Variants in UTRN observed in about 807,000 individuals in gnomAD.
UTRN encodes the protein dystrophin-related protein 1.
UTRN carries 283 observed loss-of-function variants against 463.9 expected under a neutral mutation model. The observed-to-expected ratio is 0.61, with a 90% CI of 0.55 to 0.67. The LOEUF (loss-of-function observed/expected upper bound fraction) is 0.67. Among genes scored for constraint, UTRN ranks in the 30% least tolerant of loss-of-function variants. The pLI, the probability that UTRN is intolerant of heterozygous loss-of-function variation, is 0.00. For synonymous variants in UTRN, 1,442 were observed against 1,431.5 expected, an observed-to-expected ratio of 1.01 and a Z score of -0.17; for missense variants, 3,922 against 4,084.3, an observed-to-expected ratio of 0.96 and a Z score of 1.08.
chr6:144,391,092 C>G (rs1282886234), intron 2 of UTRN, among the ~76,000 whole-genome samples: 1 of 149,632 alleles, frequency 6.7e-6, no homozygotes, highest in African/African-American at 2.5e-5. Flanking sequence ...TTTTTTTTGA[C>G]ACAAGGTCTT....
At chr6:144,306,846 A>G (rs1805784047) in intron 2 of UTRN, among the ~76,000 whole-genome samples, 1 of 151,756 alleles carries the variant, frequency 6.6e-6, no homozygotes, top group South Asian at 2.1e-4. Flanking sequence ...ACCTGAGGTC[A>G]GGAGTTCAAG....
intron 34 of UTRN, among the ~76,000 whole-genome samples, chr6:144,503,709 G>A (rs1009891316): frequency 3.9e-5 from 6 of 152,114 alleles, no homozygotes; most frequent in Admixed American, 2.0e-4. Context: ...TTTTTGCTTA[G>A]GATTTTCTTG....
chr6:144,536,872 C>T (rs1193484773), intron 43 of UTRN, among the ~76,000 whole-genome samples: 6 of 151,954 alleles, frequency 3.9e-5, no homozygotes, highest in Non-Finnish European at 7.4e-5. Flanking sequence ...AAATGTTATT[C>T]TTATAACACT....
chr6:144,646,897 A>ATG (rs1437960275), intron 51 of UTRN, among the ~76,000 whole-genome samples: 1 of 152,160 alleles, frequency 6.6e-6, no homozygotes, highest in Non-Finnish European at 1.5e-5. Context: ...GTGAGACCCA[A>ATG]TGTGGTGGGT....
chr6:144,343,867 GT>G (rs1777340592), intron 2 of UTRN, among the ~76,000 whole-genome samples: 1 of 152,058 alleles, frequency 6.6e-6, no homozygotes, highest in South Asian at 2.1e-4. Context: ...GGGTAGGGAG[GT>G]GGGTGGAGTG....
intron 2 of UTRN, among the ~76,000 whole-genome samples, chr6:144,390,760 C>T (rs1321412728): frequency 6.6e-6 from 1 of 152,154 alleles, no homozygotes; most frequent in Admixed American, 6.5e-5. Context: ...CCTTTTCATC[C>T]CCATCAAGAC....
intron 34 of UTRN, among the ~76,000 whole-genome samples, chr6:144,502,809 C>T (rs549418273): frequency 6.6e-6 from 1 of 152,260 alleles, no homozygotes; most frequent in South Asian, 2.1e-4. Context: ...ATTTCTGGTT[C>T]TAGATCCTTG....
intron 2 of UTRN, among the ~76,000 whole-genome samples, chr6:144,342,098 G>A (rs759915505): frequency 3.3e-5 from 5 of 152,078 alleles, no homozygotes; most frequent in African/African-American, 1.2e-4. Context: ...GATGGGTTTC[G>A]ATAGCCATTA....
intron 51 of UTRN, among the ~76,000 whole-genome samples, chr6:144,665,996 T>C (rs1780349300): frequency 6.6e-6 from 1 of 152,226 alleles, no homozygotes; most frequent in African/African-American, 2.4e-5. Context: ...TGCTTCAAGA[T>C]GGATTACATT....
intron 58 of UTRN, among the ~76,000 whole-genome samples, chr6:144,765,292 C>T (rs542730137): frequency 1.8e-4 from 27 of 152,096 alleles, no homozygotes; most frequent in Non-Finnish European, 3.2e-4. Context: ...AACAAATGTT[C>T]TAGTAGTCAT....
At chr6:144,587,316 C>A (rs950963080) in intron 51 of UTRN, among the ~76,000 whole-genome samples, 1 of 152,116 alleles carries the variant, frequency 6.6e-6, no homozygotes, top group Non-Finnish European at 1.5e-5. Flanking sequence ...ATAGAAGAGA[C>A]CAGAAGATTC....
At chr6:144,793,716 T>G (rs1161219040) in intron 62 of UTRN, 118 bp from the exon 63 acceptor site, 13 of 1,261,392 alleles carry the variant, frequency 1.0e-5, no homozygotes, top group Non-Finnish European at 1.4e-5. Flanking sequence ...ACGAATCAGA[T>G]TCATGTCCTT....
At position 144,775,092 on chromosome 6, in the gene UTRN, G is replaced by A. The variant is rs567895337; in HGVS notation, c.8632+728G>A. Among the ~76,000 whole-genome samples the A allele has an allele frequency of 3.3e-5, 5 of 152,256 alleles. No individual in the cohort carries two copies. The East Asian group carries it at 9.6e-4, about 29-fold the overall frequency. On this transcript the variant is annotated intron_variant, in intron 60 of 74. Coordinates refer to ENST00000367545, the MANE Select transcript of UTRN (RefSeq NM_007124.3). ...TATTTACCTGTTCTTTTAAGATAGGGTAAATTGAAAAGTTTCAAGTATTCT... is the reference window on the plus strand; with the variant it reads ...TATTTACCTGTTCTTTTAAGATAGGATAAATTGAAAAGTTTCAAGTATTCT...
chr6:144,640,301 TA>T (rs1271628629), intron 51 of UTRN, among the ~76,000 whole-genome samples: 1 of 152,100 alleles, frequency 6.6e-6, no homozygotes, highest in Non-Finnish European at 1.5e-5. Flanking sequence ...ACTTATCAAG[TA>T]TATTATAGAT....
intron 51 of UTRN, among the ~76,000 whole-genome samples, chr6:144,667,336 G>T (rs1168576401): frequency 6.6e-6 from 1 of 152,176 alleles, no homozygotes; most frequent in Non-Finnish European, 1.5e-5. Flanking sequence ...GGGATTCCAG[G>T]CTTGAGCCAC....
chr6:144,361,568 G>C (rs1266889692), intron 2 of UTRN, among the ~76,000 whole-genome samples: 2 of 151,668 alleles, frequency 1.3e-5, no homozygotes, highest in Non-Finnish European at 2.9e-5. Context: ...TAAGTCCCTT[G>C]TTCTTTAAAA....
At position 144,697,179 on chromosome 6, in the gene UTRN, T is replaced by C. The variant is rs1784106627; in HGVS notation, c.7653-2908T>C. Among the ~76,000 whole-genome samples the C allele has an allele frequency of 2.0e-5, 3 of 152,122 alleles. No homozygotes were observed. In the South Asian group the frequency reaches 6.2e-4, roughly 31 times the overall value. On this transcript the variant is annotated intron_variant, in intron 52 of 74. Transcript: ENST00000367545. ...AGGTTGATAATACAGTCAATAAAAG[T>C]GTTTATTGCTTTGTACATATCAAAG...
chr6:144,557,216 G>A lies in UTRN; in HGVS notation c.7194G>A (p.Leu2398=), dbSNP rs1218271271. 2 of 1,614,000 alleles carry A rather than the reference G, an allele frequency of 1.2e-6. No homozygotes were observed. Among genetic ancestry groups the A allele is most frequent in the South Asian group, 2.2e-5 (2 of 91,076 alleles). ...TCGTCATGGCGTTCGATAACGTCCTGCAGAAACTCCTGGAGGAATATGGGA... is the reference window on the plus strand; with the variant it reads ...TCGTCATGGCGTTCGATAACGTCCTACAGAAACTCCTGGAGGAATATGGGA... ...DGIVMAFDNV[L]QKLLEEYGSD... The change falls in exon 50 of 75, where the codon CTG becomes CTA. Residue 2398 remains leucine, a synonymous_variant. Transcript: ENST00000367545.
At chr6:144,849,924 C>G (rs987959910) in intron 74 of UTRN, among the ~76,000 whole-genome samples, 1 of 152,214 alleles carries the variant, frequency 6.6e-6, no homozygotes, top group African/African-American at 2.4e-5. Context: ...CTCCCCTTCT[C>G]TGTCCTCAAA....
Sources: allele counts gnomAD v4.1 joint callset (sites outside exome capture counted in the v4.1 genomes callset), GRCh38; gene constraint gnomAD v4.1.1; transcripts MANE v1.5; gene names NCBI Gene and HGNC (gene_info 2026-07-23, HGNC 2026-07-21).